Variants in TEKT4 observed in about 807,000 individuals in gnomAD.
TEKT4 encodes the protein tektin 4, also known as tektin-4.
In TEKT4, 46 loss-of-function variants were observed where a neutral mutation model predicts 46.0. The ratio of observed to expected loss-of-function variants is 1.00; its 90% CI spans 0.79 to 1.28. The LOEUF (loss-of-function observed/expected upper bound fraction) is 1.28. Among genes scored for constraint, TEKT4 ranks in the 50% most tolerant of loss-of-function variants. The pLI, the probability that TEKT4 is intolerant of heterozygous loss-of-function variation, is 0.00. For missense variants in TEKT4, 790 were observed against 622.9 expected (o/e 1.27, Z -2.85); for synonymous variants, 325 against 265.8 (o/e 1.22, Z -2.17).
At chr2:94,876,275 G>C (rs564140890) in intron 5 of TEKT4, among the ~76,000 whole-genome samples, 58 of 152,294 alleles carry the variant, frequency 3.8e-4, no homozygotes, top group African/African-American at 1.4e-3. Context: ...CAAGTATCAG[G>C]AATGGAAAGA....
chr2:94,875,077 T>C (rs62147443), intron 4 of TEKT4, 79 bp downstream of exon 4: 22 of 1,407,474 alleles, frequency 1.6e-5, no homozygotes, highest in African/African-American at 2.9e-5. Context: ...CTCTGTCCCA[T>C]TTATCCCGAG....
Position 94,873,564 on chromosome 2 carries a change from C to G in TEKT4, c.543C>G (p.Thr181=). The change falls in exon 2 of 6, where the codon ACC becomes ACG. Residue 181 remains threonine (T), a synonymous_variant. Coordinates refer to ENST00000295201, the MANE Select transcript of TEKT4 (RefSeq NM_144705.4). ...IRNIQELLKR[T]IMQAVSQIRL... Reference sequence around the variant, plus strand: ...ACATTCAGGAGCTGCTGAAGAGAACCATCATGCAAGCAGTGAGCCAGATCC... The same window carrying G: ...ACATTCAGGAGCTGCTGAAGAGAACGATCATGCAAGCAGTGAGCCAGATCC... 1 of 1,613,074 alleles carries G rather than the reference C, an allele frequency of 6.2e-7. No homozygotes were observed. Among genetic ancestry groups the G allele is most frequent in the Non-Finnish European group, 8.5e-7 (1 of 1,179,998 alleles).
chr2:94,875,731 A>G lies in TEKT4; in HGVS notation c.1080A>G (p.Ala360=), dbSNP rs1680818835. The part of the protein sequence containing the change: ...HRPNMELCRD[A]AQFRLLSEVE... The stretch of plus-strand genomic sequence containing the variant: ...CCAACATGGAGCTGTGCCGTGACGC[A>G]GCCCAGTTCAGGTGCTGCCTGGGCC... Residue 360 remains alanine, a synonymous_variant, in exon 5 of 6, where the codon GCA becomes GCG. Coordinates refer to ENST00000295201, the MANE Select transcript of TEKT4 (RefSeq NM_144705.4). 6.2e-7 allele frequency: 1 copy of G among 1,613,872 alleles called. No individual in the cohort carries two copies. Among genetic ancestry groups the G allele is most frequent in the South Asian group, 1.1e-5 (1 of 91,062 alleles).
At position 94,871,585 on chromosome 2, in the gene TEKT4, G is replaced by A. The variant is rs140196891; in HGVS notation, c.6G>A (p.Ala2=). M[A]QTVPPCELPC... The stretch of plus-strand genomic sequence containing the variant: ...CCTGGTGGGCGGCAGGCACCATGGC[G>A]CAGACAGTGCCGCCCTGCGAGCTGC... Residue 2 remains alanine, a synonymous_variant, in exon 1 of 6, where the codon GCG becomes GCA. Coordinates refer to ENST00000295201, the MANE Select transcript of TEKT4 (RefSeq NM_144705.4). 12,169 of 1,602,022 alleles carry A rather than the reference G, an allele frequency of 7.6e-3. 76 individuals carry two copies. The highest frequency in any genetic ancestry group is 8.8e-3 in the Non-Finnish European group (10,345 of 1,174,646).
intron 4 of TEKT4, 115 bp from the exon 5 acceptor site, chr2:94,875,473 G>C (rs1246834248): frequency 2.0e-6 from 3 of 1,518,402 alleles, no homozygotes; most frequent in Non-Finnish European, 2.7e-6. Flanking sequence ...AGGGCCACTG[G>C]TCAGGACTGC....
At chr2:94,873,483 G>A (rs1553395298) in intron 1 of TEKT4, 37 bp from the exon 2 acceptor site, 3 of 1,611,810 alleles carry the variant, frequency 1.9e-6, no homozygotes, top group Non-Finnish European at 2.5e-6. Context: ...TCCTCACCAG[G>A]GACTGGCTCT....
rs782019145 is a variant in TEKT4 at position 94,874,058 on chromosome 2, C to T, written c.663C>T (p.Ser221=). The T allele has an allele frequency of 3.1e-6, 5 of 1,613,724 alleles. No individual in the cohort carries two copies. In the Admixed American group the frequency reaches 8.3e-5, roughly 27 times the overall value. The change falls in exon 3 of 6, where the codon AGC becomes AGT. Residue 221 remains serine (S), a synonymous_variant. Coordinates refer to ENST00000295201, the MANE Select transcript of TEKT4 (RefSeq NM_144705.4). ...ACGAGACCTGCGGGCGCCACCACAG[C>T]CAGAGCACCGAGGTGCAGGCTCATC... ...NIDETCGRHH[S]QSTEVQAHPY... is the part of the protein sequence containing the mutation.
At chr2:94,872,591 C>T (rs10180591) in intron 1 of TEKT4, 108,296 of 327,488 alleles carry the variant, frequency 0.33, 19,430 homozygotes, top group East Asian at 0.54. Flanking sequence ...GGCAGCCCCA[C>T]AGGGTGAGAG....
At chr2:94,875,101 AAGTGTC>A (rs1680781223) in intron 4 of TEKT4, 103 bp downstream of exon 4, 4 of 1,222,786 alleles carry the variant, frequency 3.3e-6, no homozygotes, top group Non-Finnish European at 4.5e-6. Flanking sequence ...CCCCAGAAGC[AAGTGTC>A]TCCTCTCCGT....
chr2:94,874,144 T>G (rs781826605), intron 3 of TEKT4, 36 bp downstream of exon 3: 2 of 1,601,616 alleles, frequency 1.2e-6, no homozygotes, highest in Non-Finnish European at 1.7e-6. Context: ...TTGCCCTGGC[T>G]GTGGTCTCGC....
In TEKT4 at chr2:94,872,327, T is replaced by C. The variant is rs565714390; in HGVS notation, c.498+250T>C. On this transcript the variant is annotated intron_variant, in intron 1 of 5. Coordinates refer to ENST00000295201, the MANE Select transcript of TEKT4 (RefSeq NM_144705.4). The stretch of plus-strand genomic sequence containing the variant: ...ATCCCTTTGAGTCCTGGCACAGTCA[T>C]CCTGACCCTGGGCTCCCTGGGCTAA... 1.3e-4 allele frequency: 73 copies of C among 576,678 alleles called. No homozygotes were observed. The East Asian group carries it at 1.5e-3, about 12-fold the overall frequency. The allele number at this position is 576,678 out of a possible 1,614,324, so 35.7% of individuals were successfully genotyped here.
At position 94,873,518 on chromosome 2, in the gene TEKT4, A is replaced by C; in HGVS notation, c.499-2A>C. ...TGGTGCTCAGGGCGTCTCCTCCCTC[A>C]GGAAGCCGAGCTCATCCGGAACATT... is the stretch of plus-strand genomic sequence containing the variant. On this transcript the variant is annotated splice_acceptor_variant, in intron 1 of 5. Coordinates refer to ENST00000295201, the MANE Select transcript of TEKT4 (RefSeq NM_144705.4). LOFTEE classifies it high-confidence loss of function. 6.2e-7 allele frequency: 1 copy of C among 1,612,176 alleles called. No homozygotes were observed. The highest frequency in any genetic ancestry group is 8.5e-7 in the Non-Finnish European group (1 of 1,179,988).
At chr2:94,872,939 A>C in intron 1 of TEKT4, 1 of 1,289,422 alleles carries the variant, frequency 7.8e-7, no homozygotes, top group African/African-American at 1.5e-5. Context: ...AGGCAAACCC[A>C]GGGATAGAGG....
At position 94,873,504 on chromosome 2, in the gene TEKT4, G is replaced by A. The variant is rs573992009; in HGVS notation, c.499-16G>A. On this transcript the variant is annotated splice_polypyrimidine_tract_variant and intron_variant, in intron 1 of 5. Coordinates refer to ENST00000295201, the MANE Select transcript of TEKT4 (RefSeq NM_144705.4). ...CCAGGGACTGGCTCTGGTGCTCAGG[G>A]CGTCTCCTCCCTCAGGAAGCCGAGC... is the stretch of plus-strand genomic sequence containing the variant. The A allele has an allele frequency of 3.1e-6, 5 of 1,612,060 alleles. No individual in the cohort carries two copies. The highest frequency in any genetic ancestry group is 2.2e-5 in the East Asian group (1 of 44,880).
chr2:94,873,565 A>C lies in TEKT4; in HGVS notation c.544A>C (p.Ile182Leu), dbSNP rs782024574. The change falls in exon 2 of 6, where the codon ATC becomes CTC. Residue 182 changes from isoleucine (I) to leucine (L), a missense_variant. Coordinates refer to ENST00000295201, the MANE Select transcript of TEKT4 (RefSeq NM_144705.4). ...RNIQELLKRT[I>L]MQAVSQIRLN... ...CATTCAGGAGCTGCTGAAGAGAACC[A>C]TCATGCAAGCAGTGAGCCAGATCCG... The C allele has an allele frequency of 1.2e-6, 2 of 1,613,088 alleles. No individual in the cohort carries two copies. Among genetic ancestry groups the C allele is most frequent in the Non-Finnish European group, 1.7e-6 (2 of 1,179,998 alleles).
chr2:94,873,066 G>C, intron 1 of TEKT4: 2 of 1,274,178 alleles, frequency 1.6e-6, no homozygotes, highest in Admixed American at 4.7e-5. Context: ...CAGGCAATAA[G>C]AAGAAACACA....
chr2:94,874,177 G>GGGGCCTC, intron 3 of TEKT4, 69 bp downstream of exon 3: 3 of 1,561,364 alleles, frequency 1.9e-6, no homozygotes, highest in Non-Finnish European at 2.6e-6. Context: ...GGGGGCCCCA[G>GGGGCCTC]CGGCGCTGCT....
At position 94,874,927 on chromosome 2, in the gene TEKT4, A is replaced by C; in HGVS notation, c.865A>C (p.Asn289His). 6.2e-7 allele frequency: 1 copy of C among 1,612,308 alleles called. No homozygotes were observed. Among genetic ancestry groups the C allele is most frequent in the Non-Finnish European group, 8.5e-7 (1 of 1,179,666 alleles). ...CCTGCGGCTCCAGTGCGACGCCGTG[A>C]ACCTGGCCTTCGGGCGCCGCTGTGA... ...EDLRLQCDAV[N>H]LAFGRRCEEL... Residue 289 changes from asparagine to histidine, a missense_variant, in exon 4 of 6, where the codon AAC becomes CAC. Transcript: ENST00000295201.
Position 94,871,566 on chromosome 2 carries a change from G to A in TEKT4, c.-14G>A. On this transcript the variant is annotated 5_prime_UTR_variant, in exon 1 of 6. Coordinates refer to ENST00000295201, the MANE Select transcript of TEKT4 (RefSeq NM_144705.4). ...CAGTCCTCACTCCCCTGGCCCTGGT[G>A]GGCGGCAGGCACCATGGCGCAGACA... 1.3e-6 allele frequency: 2 copies of A among 1,585,490 alleles called. No homozygotes were observed. The highest frequency in any genetic ancestry group is 8.6e-7 in the Non-Finnish European group (1 of 1,166,310).
Sources: gnomAD v4.1 joint callset for allele counts (sites outside exome capture counted in the v4.1 genomes callset) on GRCh38, gnomAD v4.1.1 for gene constraint, MANE v1.5 for transcripts, NCBI Gene and HGNC (gene_info 2026-07-23, HGNC 2026-07-21) for gene names.